RIN3: variants seen among roughly 807,000 people sequenced by gnomAD.
The protein encoded by RIN3 is RAB5 interacting protein 3.
In RIN3, 54 loss-of-function variants were observed where a neutral mutation model predicts 76.3. The observed-to-expected ratio is 0.71, with a 90% confidence interval of 0.57 to 0.89. The LOEUF (loss-of-function observed/expected upper bound fraction) is 0.89, where lower values mean the gene tolerates loss of function less well. Ranked by LOEUF, RIN3 falls within the 40% of genes least tolerant of loss-of-function variation. The probability of loss-of-function intolerance (pLI) is 0.00; values close to 1 mark genes in which losing one functional copy is unlikely to be tolerated. For missense variants in RIN3, 1,256 were observed against 1,322.1 expected (o/e 0.95, Z 0.78); for synonymous variants, 576 against 564.0 (o/e 1.02, Z -0.30).
At chr14:92,619,142 C>T (rs1008065699) in intron 4 of RIN3, among the ~76,000 whole-genome samples, 3 of 152,020 alleles carry the variant, frequency 2.0e-5, no homozygotes, top group South Asian at 4.1e-4. Flanking sequence ...TAAGGAAGAT[C>T]GAACATCATT....
chr14:92,687,804 C>G (rs569311822), intron 9 of RIN3, 122 bp from the exon 10 acceptor site: 39 of 866,740 alleles, frequency 4.5e-5, no homozygotes, highest in African/African-American at 5.5e-5. Flanking sequence ...GCGCAGGTGC[C>G]GGACTCGCAG....
intron 3 of RIN3, 37 bp downstream of exon 3, chr14:92,577,514 G>A (rs770323273): frequency 3.8e-5 from 51 of 1,339,482 alleles, no homozygotes; most frequent in South Asian, 4.7e-5. Flanking sequence ...CTTTGACCAC[G>A]CGGCAGCAGC....
rs142603341 is a variant in RIN3 at position 92,628,509 on chromosome 14, A to G, written c.441-12729A>G. Among the ~76,000 whole-genome samples, 4 of 152,204 alleles carry G rather than the reference A, an allele frequency of 2.6e-5. No individual in the cohort carries two copies. The East Asian group carries it at 7.7e-4, about 29-fold the overall frequency. ...TAGGTGGGCACTGGCGCCACTTTCC[A>G]TGTGTTCCCTCCAGAGCCTGCTATG... On this transcript the variant is annotated intron_variant, in intron 4 of 9. Transcript: ENST00000216487.
At position 92,663,405 on chromosome 14, in the gene RIN3, A is replaced by T. The variant is rs529408816; in HGVS notation, c.2335+3936A>T. On this transcript the variant is annotated intron_variant, in intron 7 of 9. Coordinates refer to ENST00000216487, the MANE Select transcript of RIN3 (RefSeq NM_024832.5). ...GCCGCATGTGGTTGAATGGAACAGA[A>T]CCAGGTGCTTGCTGCTTTCTATCCT... Among the ~76,000 whole-genome samples the T allele has an allele frequency of 2.0e-5, 3 of 152,344 alleles. No individual in the cohort carries two copies. In the South Asian group the frequency reaches 6.2e-4, roughly 32 times the overall value.
At chr14:92,579,861 C>A (rs1285348298) in intron 3 of RIN3, among the ~76,000 whole-genome samples, 1 of 152,246 alleles carries the variant, frequency 6.6e-6, no homozygotes, top group African/African-American at 2.4e-5. Context: ...GCAAAGGGAC[C>A]TCTGGCTGGG....
At chr14:92,537,302 A>T (rs979097179) in intron 1 of RIN3, among the ~76,000 whole-genome samples, 7 of 152,120 alleles carry the variant, frequency 4.6e-5, no homozygotes, top group African/African-American at 1.7e-4. Flanking sequence ...CCACCCTAGG[A>T]ATCTTTCCAT....
At chr14:92,667,085 C>T (rs1888131365) in intron 7 of RIN3, among the ~76,000 whole-genome samples, 1 of 151,824 alleles carries the variant, frequency 6.6e-6, no homozygotes, top group Non-Finnish European at 1.5e-5. Flanking sequence ...GGGGCAGCCG[C>T]AGAGGAATTG....
chr14:92,531,724 G>T (rs1896884224), intron 1 of RIN3, among the ~76,000 whole-genome samples: 1 of 152,176 alleles, frequency 6.6e-6, no homozygotes, highest in Non-Finnish European at 1.5e-5. Flanking sequence ...GCGTGTCAGG[G>T]CTGCTATCCT....
intron 6 of RIN3, among the ~76,000 whole-genome samples, chr14:92,653,894 T>G (rs572492929): frequency 1.3e-5 from 2 of 152,212 alleles, no homozygotes; most frequent in African/African-American, 4.8e-5. Context: ...GGCACGCACC[T>G]GTAGTCTCAT....
At chr14:92,537,786 G>A (rs919168341) in intron 1 of RIN3, among the ~76,000 whole-genome samples, 2 of 150,390 alleles carry the variant, frequency 1.3e-5, no homozygotes, top group African/African-American at 4.9e-5. Context: ...TGGGTAGCTG[G>A]GATTACAGGT....
chr14:92,671,559 G>A (rs534365019), intron 7 of RIN3, among the ~76,000 whole-genome samples: 17 of 152,162 alleles, frequency 1.1e-4, no homozygotes, highest in Non-Finnish European at 2.2e-4. Context: ...TAGTAGGAAC[G>A]TGGGATTGTC....
chr14:92,540,769 C>T (rs1897114683), intron 1 of RIN3, among the ~76,000 whole-genome samples: 1 of 152,226 alleles, frequency 6.6e-6, no homozygotes, highest in South Asian at 2.1e-4. Flanking sequence ...GCAGGGCCAG[C>T]CTGGCTTGGA....
chr14:92,628,723 A>G (rs1742313796), intron 4 of RIN3, among the ~76,000 whole-genome samples: 1 of 152,222 alleles, frequency 6.6e-6, no homozygotes, highest in Admixed American at 6.5e-5. Flanking sequence ...AGAAGGTTTA[A>G]GTCCTGAAAC....
intron 9 of RIN3, 39 bp from the exon 10 acceptor site, chr14:92,687,887 G>A: frequency 6.7e-7 from 1 of 1,485,248 alleles, no homozygotes; most frequent in Non-Finnish European, 8.9e-7. Context: ...TGAGGAGACA[G>A]GGCCCCGCCG....
chr14:92,626,620 C>T (rs916111378), intron 4 of RIN3, among the ~76,000 whole-genome samples: 25 of 152,150 alleles, frequency 1.6e-4, no homozygotes, highest in African/African-American at 6.0e-4. Flanking sequence ...TGACAAGGAA[C>T]AGACTCATGG....
At chr14:92,625,907 G>A (rs192373324) in intron 4 of RIN3, among the ~76,000 whole-genome samples, 13 of 152,198 alleles carry the variant, frequency 8.5e-5, no homozygotes, top group South Asian at 6.2e-4. Flanking sequence ...TCTCTGGACC[G>A]GTTTTTTGTT....
At chr14:92,666,777 G>A (rs567938027) in intron 7 of RIN3, among the ~76,000 whole-genome samples, 584 of 152,326 alleles carry the variant, frequency 3.8e-3, no homozygotes, top group Non-Finnish European at 6.6e-3. Flanking sequence ...GAGAAAGACG[G>A]TAGGGGTGCA....
intron 4 of RIN3, among the ~76,000 whole-genome samples, chr14:92,635,875 GT>G (rs1281494010): frequency 6.6e-6 from 1 of 152,134 alleles, no homozygotes; most frequent in Non-Finnish European, 1.5e-5. Context: ...AGGAATACTA[GT>G]TTGAGGGCAG....
chr14:92,651,485 C>A, intron 5 of RIN3, 97 bp from the exon 6 acceptor site: 1 of 537,016 alleles, frequency 1.9e-6, no homozygotes, highest in South Asian at 1.8e-5. Flanking sequence ...CTTGAACAGC[C>A]CTCCCACCCG....
Sources: gnomAD v4.1 joint callset for allele counts (sites outside exome capture counted in the v4.1 genomes callset) on GRCh38, gnomAD v4.1.1 for gene constraint, MANE v1.5 for transcripts, NCBI Gene and HGNC (gene_info 2026-07-23, HGNC 2026-07-21) for gene names.